PPP2R3B: variants seen among roughly 807,000 people sequenced by gnomAD.
PPP2R3B encodes protein phosphatase 2 regulatory subunit B''beta.
In PPP2R3B, 68 loss-of-function variants were observed where a neutral mutation model predicts 72.9. That is an observed-to-expected ratio of 0.93 (90% confidence interval 0.77 to 1.14). The LOEUF (loss-of-function observed/expected upper bound fraction) is 1.14. PPP2R3B is among the 50% of genes most tolerant of loss of function. PPP2R3B has a pLI of 0.00. For missense variants in PPP2R3B, 1,018 were observed against 842.0 expected, an observed-to-expected ratio of 1.21 and a Z score of -2.59; for synonymous variants, 466 against 375.8, an observed-to-expected ratio of 1.24 and a Z score of -2.78.
At chrX:381,557 G>A (rs900753632) in intron 1 of PPP2R3B, among the ~76,000 whole-genome samples, 1 of 147,818 alleles carries the variant, frequency 6.8e-6, no homozygotes, top group South Asian at 2.1e-4. Context: ...GTGGCCTCGC[G>A]TATTCTGTAT....
At chrX:338,142 T>A (rs1230354861) in intron 12 of PPP2R3B, 5 of 234,022 alleles carry the variant, frequency 2.1e-5, no homozygotes, top group Non-Finnish European at 4.2e-5. Context: ...AGGGTTTGTA[T>A]GCTGAAGACA....
chrX:371,387 C>T (rs933941040), intron 1 of PPP2R3B, among the ~76,000 whole-genome samples: 4 of 152,080 alleles, frequency 2.6e-5, no homozygotes, highest in Non-Finnish European at 4.4e-5. Flanking sequence ...AACGCCCCCA[C>T]CCCCCGAGTT....
At chrX:364,266 T>C (rs903711077) in intron 1 of PPP2R3B, among the ~76,000 whole-genome samples, 7 of 152,148 alleles carry the variant, frequency 4.6e-5, no homozygotes, top group Non-Finnish European at 1.0e-4. Context: ...AGCCTTCACC[T>C]GGAGCTGCTG....
At position 346,098 on chromosome X, in the gene PPP2R3B, G is replaced by GA. The variant is rs2071203197; in HGVS notation, c.879+75_879+76insT. 2.7e-5 allele frequency: 18 copies of GA among 655,806 alleles called. 2 individuals are homozygous for GA. The highest frequency in any genetic ancestry group is 2.4e-4 in the South Asian group (14 of 57,724). 40.6% of individuals were successfully genotyped at this position (655,806 alleles called of 1,614,324 possible). A position where few individuals can be genotyped will look rare whatever the true frequency, so the allele number is the denominator to read the frequency against. ...GTGGGAGGGGAGGAGGGAGGGGGGA[G>GA]GAGGGAAGGGAAGGGAGTGGAGGTA... On this transcript the variant is annotated intron_variant, in intron 6 of 12. Transcript: ENST00000390665.
intron 7 of PPP2R3B, 62 bp downstream of exon 7, chrX:345,454 G>T: frequency 1.2e-6 from 2 of 1,603,532 alleles, no homozygotes; most frequent in Non-Finnish European, 1.7e-6. Flanking sequence ...AGACCCGCAG[G>T]CCCTGAGAGA....
intron 2 of PPP2R3B, among the ~76,000 whole-genome samples, chrX:352,053 TCC>T (rs1266363184): frequency 6.6e-6 from 1 of 151,794 alleles, no homozygotes; most frequent in African/African-American, 2.4e-5. Context: ...GGGCACACAG[TCC>T]CCCCACCACA....
At chrX:342,049 T>A in intron 7 of PPP2R3B, 118 bp from the exon 8 acceptor site, 1 of 1,350,542 alleles carries the variant, frequency 7.4e-7, no homozygotes, top group Non-Finnish European at 1.1e-6. Context: ...CGCCTGGGTC[T>A]GGGAGAGCCC....
At chrX:344,083 G>T (rs191586758) in intron 7 of PPP2R3B, among the ~76,000 whole-genome samples, 45 of 44,368 alleles carry the variant, frequency 1.0e-3, no homozygotes, top group Admixed American at 1.3e-3. Flanking sequence ...GAGGCGGGAG[G>T]GAGACCTCAC....
At chrX:339,278 G>GGC (rs2070989351) in intron 10 of PPP2R3B, among the ~76,000 whole-genome samples, 1 of 149,498 alleles carries the variant, frequency 6.7e-6, no homozygotes, top group African/African-American at 2.5e-5. Context: ...TGGCCGGGGG[G>GGC]GGCAGGGCTG....
intron 2 of PPP2R3B, among the ~76,000 whole-genome samples, chrX:351,407 G>A (rs1352535703): frequency 1.3e-5 from 2 of 152,316 alleles, no homozygotes; most frequent in African/African-American, 2.4e-5. Context: ...GCTCCTCACC[G>A]CGTGCAAGAC....
At chrX:352,457 T>C (rs1194798763) in intron 2 of PPP2R3B, among the ~76,000 whole-genome samples, 1 of 152,170 alleles carries the variant, frequency 6.6e-6, no homozygotes, top group East Asian at 1.9e-4. Context: ...GACCCGGCCA[T>C]CTGCGGACTT....
rs767113392 is a variant in PPP2R3B, at chrX:340,931, G to A, written c.1185C>T (p.Tyr395=). The A allele has an allele frequency of 3.1e-6, 5 of 1,611,078 alleles. No individual in the cohort carries two copies. Among genetic ancestry groups the A allele is most frequent in the Non-Finnish European group, 4.2e-6 (5 of 1,179,348 alleles). The change falls in exon 10 of 13, where the codon TAC becomes TAT. Residue 395 remains tyrosine, a synonymous_variant. Coordinates refer to ENST00000390665, the MANE Select transcript of PPP2R3B (RefSeq NM_013239.5). ...EDKKTPTSIE[Y]WFRCMDLDGD... The stretch of plus-strand genomic sequence containing the variant: ...CGTCCAGGTCCATGCAGCGGAACCA[G>A]TACTCGATGCTGCGGCACGGCGAGC...
rs184993965 is a variant in PPP2R3B at position 380,394 on chromosome X, G to A, written c.324+5974C>T. ...AACCCAATTTAAAAAGCAAACACAC[G>A]ACCTGAACAGACGCTCGACAGTGGG... On this transcript the variant is annotated intron_variant, in intron 1 of 12. Transcript: ENST00000390665. Among the ~76,000 whole-genome samples, 133 of 152,190 alleles carry A rather than the reference G, an allele frequency of 8.7e-4. 2 individuals carry two copies. The highest frequency in any genetic ancestry group is 3.0e-3 in the African/African-American group (124 of 41,548).
At chrX:349,874 C>T (rs1479697572) in intron 2 of PPP2R3B, among the ~76,000 whole-genome samples, 2 of 152,198 alleles carry the variant, frequency 1.3e-5, no homozygotes, top group African/African-American at 2.4e-5. Context: ...GTGGACCTCA[C>T]TGCTGAGTTC....
At chrX:369,723 C>T (rs890134250) in intron 1 of PPP2R3B, among the ~76,000 whole-genome samples, 15 of 152,344 alleles carry the variant, frequency 9.8e-5, no homozygotes, top group East Asian at 5.8e-4. Context: ...AAATGACCCT[C>T]GCCCCCACGG....
In PPP2R3B at chrX:386,789, G is replaced by A; in HGVS notation, c.-98C>T. On this transcript the variant is annotated 5_prime_UTR_variant, in exon 1 of 13. Transcript: ENST00000390665. ...GACCGACCTCGGTGATGCGAGCACGGCCCGCTGAGGGGGCGCGGCGCAGGG... is the reference window on the plus strand; with the variant it reads ...GACCGACCTCGGTGATGCGAGCACGACCCGCTGAGGGGGCGCGGCGCAGGG... 2 of 702,192 alleles carry A rather than the reference G, an allele frequency of 2.8e-6. No homozygotes were observed. Among genetic ancestry groups the A allele is most frequent in the Non-Finnish European group, 3.8e-6 (2 of 530,796 alleles). The allele number at this position is 702,192 out of a possible 1,614,324, so 43.5% of individuals were successfully genotyped here. A position where few individuals can be genotyped will look rare whatever the true frequency, so the allele number is the denominator to read the frequency against.
intron 2 of PPP2R3B, among the ~76,000 whole-genome samples, chrX:352,886 G>A (rs1339869258): frequency 1.3e-5 from 2 of 150,738 alleles, no homozygotes; most frequent in African/African-American, 4.9e-5. Context: ...TGACATCGCG[G>A]AGCCGGAGGA....
intron 2 of PPP2R3B, among the ~76,000 whole-genome samples, chrX:349,612 C>A (rs765634084): frequency 4.2e-4 from 64 of 152,308 alleles, no homozygotes; most frequent in Non-Finnish European, 6.8e-4. Flanking sequence ...TGTAGACAAT[C>A]CAAATGCTTA....
rs536242656 is a variant in PPP2R3B at position 345,512 on chromosome X, G to A, written c.1036+4C>T. ...GGCCCGCCCGCCCCTGTGCCCCCAC[G>A]CACCGTGGTCATTGTGCCGCGCCAG... is the stretch of plus-strand genomic sequence containing the variant. On this transcript the variant is annotated splice_donor_region_variant and intron_variant, in intron 7 of 12. Transcript: ENST00000390665. 13 of 1,608,980 alleles carry A rather than the reference G, an allele frequency of 8.1e-6. No homozygotes were observed. In the African/African-American group the frequency reaches 9.3e-5, roughly 12 times the overall value.
Sources: allele counts gnomAD v4.1 joint callset (sites outside exome capture counted in the v4.1 genomes callset), GRCh38; gene constraint gnomAD v4.1.1; transcripts MANE v1.5; gene names NCBI Gene and HGNC (gene_info 2026-07-23, HGNC 2026-07-21).